Variants in IL1RAPL2 observed in about 807,000 individuals in gnomAD.
The protein encoded by IL1RAPL2 is interleukin 1 receptor accessory protein like 2, also known as X-linked interleukin-1 receptor accessory protein-like 2.
In IL1RAPL2, 3 loss-of-function variants were observed where a neutral mutation model predicts 44.1. The ratio of observed to expected loss-of-function variants is 0.07; its 90% CI spans 0.03 to 0.18. IL1RAPL2 has a LOEUF of 0.18. Among genes scored for constraint, IL1RAPL2 ranks in the 10% least tolerant of loss-of-function variants. The pLI is 1.00. For missense variants in IL1RAPL2, 391 were observed against 496.4 expected (o/e 0.79, Z 2.02); for synonymous variants, 181 against 178.8 (o/e 1.01, Z -0.10).
intron 2 of IL1RAPL2, among the ~76,000 whole-genome samples, chrX:104,890,707 C>T (rs922582528): frequency 2.8e-4 from 31 of 111,950 alleles, no homozygotes; most frequent in Admixed American, 7.6e-4. Context: ...AGCCCTTTGT[C>T]AGATGAGTAG....
chrX:104,955,505 A>G (rs926847415), intron 2 of IL1RAPL2, among the ~76,000 whole-genome samples: 4 of 106,820 alleles, frequency 3.7e-5, no homozygotes, highest in Non-Finnish European at 7.6e-5. Context: ...TTATACTCCC[A>G]TATATATGTA....
At chrX:105,643,401 A>C (rs1453360860) in intron 6 of IL1RAPL2, among the ~76,000 whole-genome samples, 1 of 111,505 alleles carries the variant, frequency 9.0e-6, no homozygotes, top group South Asian at 3.8e-4. Context: ...GAGAGCAAAG[A>C]CCCAAGGCAG....
intron 6 of IL1RAPL2, among the ~76,000 whole-genome samples, chrX:105,512,742 A>G (rs917177363): frequency 9.0e-6 from 1 of 111,528 alleles, no homozygotes. Flanking sequence ...TTTTCTGTAT[A>G]ATAACATATA....
At chrX:105,182,064 CAAAAAA>C (rs782283394) in intron 2 of IL1RAPL2, among the ~76,000 whole-genome samples, 1 of 58,781 alleles carries the variant, frequency 1.7e-5, no homozygotes, top group African/African-American at 5.2e-5. Context: ...GAGACTCTGT[CAAAAAA>C]AAAAAAAAGA....
chrX:104,590,522 C>T (rs1928645496), intron 1 of IL1RAPL2, among the ~76,000 whole-genome samples: 1 of 112,035 alleles, frequency 8.9e-6, no homozygotes, highest in Non-Finnish European at 1.9e-5. Context: ...AGTCTTTCTT[C>T]CCCTATCTAA....
intron 2 of IL1RAPL2, among the ~76,000 whole-genome samples, chrX:104,791,798 C>T (rs1261757886): frequency 9.0e-6 from 1 of 111,642 alleles, no homozygotes; most frequent in Non-Finnish European, 1.9e-5. Flanking sequence ...TCAGTTTCCT[C>T]CCCTCTAAAA....
intron 5 of IL1RAPL2, among the ~76,000 whole-genome samples, chrX:105,452,281 T>A (rs1353292746): frequency 1.8e-5 from 2 of 111,673 alleles, no homozygotes; most frequent in Non-Finnish European, 3.8e-5. Context: ...TTGAGACCGT[T>A]TATCTTTTTT....
At position 104,892,534 on chromosome X, in the gene IL1RAPL2, A is replaced by C. The variant is rs868672905; in HGVS notation, c.82+233539A>C. Among the ~76,000 whole-genome samples, 27 of 111,509 alleles carry C rather than the reference A, an allele frequency of 2.4e-4. 1 individual carries two copies. Among genetic ancestry groups the C allele is most frequent in the African/African-American group, 8.8e-4 (27 of 30,649 alleles). On this transcript the variant is annotated intron_variant, in intron 2 of 10. Coordinates refer to ENST00000372582, the MANE Select transcript of IL1RAPL2 (RefSeq NM_017416.2). ...TTTAGTCTTTGGAGGGTGTATGTGC[A>C]CAGGAATTTATCCATTTCTTCTAGA...
At chrX:104,789,146 T>C (rs1932813433) in intron 2 of IL1RAPL2, among the ~76,000 whole-genome samples, 1 of 111,945 alleles carries the variant, frequency 8.9e-6, no homozygotes, top group African/African-American at 3.2e-5. Flanking sequence ...AAAAAATCAT[T>C]TCAACTTTTA....
At position 105,260,776 on chromosome X, in the gene IL1RAPL2, T is replaced by G. The variant is rs764469503; in HGVS notation, c.544-6612T>G. On this transcript the variant is annotated intron_variant, in intron 4 of 10. Coordinates refer to ENST00000372582, the MANE Select transcript of IL1RAPL2 (RefSeq NM_017416.2). ...CTTAGACTCTCCAAAGCCTGAAGGC[T>G]GGAATGGCTAAGTCACCCAAACAGC... 9.2e-4 allele frequency among the ~76,000 whole-genome samples: 104 copies of G among 112,656 alleles called. 1 individual carries two copies. The highest frequency in any genetic ancestry group is 3.2e-3 in the African/African-American group (99 of 31,045).
intron 5 of IL1RAPL2, among the ~76,000 whole-genome samples, chrX:105,279,268 C>T (rs2034510358): frequency 9.0e-6 from 1 of 110,996 alleles, no homozygotes; most frequent in Admixed American, 9.6e-5. Context: ...TTTAGCCCTG[C>T]TTTATAGATG....
chrX:105,271,116 C>T (rs2034443165), intron 5 of IL1RAPL2, among the ~76,000 whole-genome samples: 1 of 112,152 alleles, frequency 8.9e-6, no homozygotes, highest in Admixed American at 9.5e-5. Flanking sequence ...TTATCATTTG[C>T]TTTAATGAAA....
At chrX:104,764,896 G>A (rs1932531020) in intron 2 of IL1RAPL2, among the ~76,000 whole-genome samples, 1 of 111,872 alleles carries the variant, frequency 8.9e-6, no homozygotes, top group African/African-American at 3.2e-5. Context: ...TGCATCCCAG[G>A]GATAAATCCC....
intron 6 of IL1RAPL2, among the ~76,000 whole-genome samples, chrX:105,668,948 C>T (rs900248688): frequency 9.0e-6 from 1 of 111,337 alleles, no homozygotes; most frequent in Non-Finnish European, 1.9e-5. Context: ...AAAGGAGCAT[C>T]CATCCATGTC....
intron 10 of IL1RAPL2, among the ~76,000 whole-genome samples, chrX:105,759,067 T>C (rs1569472416): frequency 8.9e-6 from 1 of 111,774 alleles, no homozygotes; most frequent in East Asian, 2.8e-4. Flanking sequence ...GATCCTGAGA[T>C]TGGGGACATT....
chrX:105,295,618 G>A (rs1353040727), intron 5 of IL1RAPL2, among the ~76,000 whole-genome samples: 1 of 111,844 alleles, frequency 8.9e-6, no homozygotes, highest in Non-Finnish European at 1.9e-5. Flanking sequence ...ATTGAATAGA[G>A]TAGAAACTTT....
chrX:104,807,371 G>T (rs920805653), intron 2 of IL1RAPL2, among the ~76,000 whole-genome samples: 1 of 111,107 alleles, frequency 9.0e-6, no homozygotes, highest in African/African-American at 3.3e-5. Flanking sequence ...ACATCATTTA[G>T]TGGGATAGGC....
chrX:105,265,895 G>A (rs557752305), intron 4 of IL1RAPL2, among the ~76,000 whole-genome samples: 90 of 111,274 alleles, frequency 8.1e-4, no homozygotes, highest in South Asian at 3.4e-3. Flanking sequence ...TAAGATATGC[G>A]TATGGAGGCA....
At chrX:105,040,486 A>G (rs2031711227) in intron 2 of IL1RAPL2, among the ~76,000 whole-genome samples, 1 of 111,242 alleles carries the variant, frequency 9.0e-6, no homozygotes. Flanking sequence ...CTCTGGTAGA[A>G]TTTGGCTGTG....
Sources: gnomAD v4.1 joint callset for allele counts (sites outside exome capture counted in the v4.1 genomes callset) on GRCh38, gnomAD v4.1.1 for gene constraint, MANE v1.5 for transcripts, NCBI Gene and HGNC (gene_info 2026-07-23, HGNC 2026-07-21) for gene names.